The following CTNNA2 variants were observed in gnomAD, a reference collection of about 807,000 sequenced individuals.
The protein encoded by CTNNA2 is catenin alpha 2.
CTNNA2 carries 42 observed loss-of-function variants against 101.0 expected under a neutral mutation model. The ratio of observed to expected loss-of-function variants is 0.42; its 90% CI spans 0.32 to 0.54. The LOEUF is 0.54. CTNNA2 is among the 20% of genes least tolerant of loss of function. The pLI is 0.14. For missense variants in CTNNA2, 871 were observed against 1,223.1 expected (o/e 0.71, Z 4.29); for synonymous variants, 450 against 456.4 (o/e 0.99, Z 0.18).
intron 7 of CTNNA2, among the ~76,000 whole-genome samples, chr2:80,002,185 T>A (rs1430618755): frequency 2.6e-5 from 4 of 152,228 alleles, no homozygotes; most frequent in African/African-American, 7.2e-5. Context: ...TAGGTTCACT[T>A]TCTTAGTTAA....
rs34625586 is a variant in CTNNA2 at position 80,245,794 on chromosome 2, C to CTT, written c.1057-147389_1057-147388dup. ...ATTTAAAACTGTGATTATGATTTAACTTTTTTTTTTTTTTTTTTTTTTTTT... is the reference window on the plus strand; with the variant it reads ...ATTTAAAACTGTGATTATGATTTAACTTTTTTTTTTTTTTTTTTTTTTTTTTT... On this transcript the variant is annotated intron_variant, in intron 7 of 18. Transcript: ENST00000402739. Among the ~76,000 whole-genome samples the CTT allele has an allele frequency of 2.9e-3, 170 of 58,958 alleles. 19 individuals are homozygous for CTT. The highest frequency in any genetic ancestry group is 7.6e-3 in the African/African-American group (93 of 12,280). The allele number at this position is 58,958 out of a possible 152,430, so 38.7% of individuals were successfully genotyped here.
intron 3 of CTNNA2, chr2:79,373,735 C>A (rs1677924201): frequency 3.3e-5 from 5 of 152,154 alleles, no homozygotes; most frequent in Admixed American, 3.3e-4. Flanking sequence ...CAATCACAAG[C>A]TTTTACATGT....
intron 7 of CTNNA2, among the ~76,000 whole-genome samples, chr2:80,224,707 G>A (rs187861609): frequency 1.5e-4 from 23 of 152,158 alleles, no homozygotes; most frequent in Admixed American, 2.6e-4. Context: ...GCCTCCCAAA[G>A]TGCTGGGATT....
chr2:79,504,284 CT>C (rs1044153098), intron 4 of CTNNA2, among the ~76,000 whole-genome samples: 2 of 151,592 alleles, frequency 1.3e-5, no homozygotes, highest in Non-Finnish European at 2.9e-5. Flanking sequence ...ACAGTTTAAT[CT>C]TTTTTTGTTT....
chr2:80,162,783 G>T, intron 7 of CTNNA2: 1 of 1,589,686 alleles, frequency 6.3e-7, no homozygotes, highest in Admixed American at 1.7e-5. Flanking sequence ...TCCACCATAT[G>T]ACATTTGTCT....
At chr2:79,473,416 C>G (rs75456923) in intron 4 of CTNNA2, among the ~76,000 whole-genome samples, 44 of 151,932 alleles carry the variant, frequency 2.9e-4, no homozygotes, top group African/African-American at 9.6e-4. Flanking sequence ...TGTCTCTCTC[C>G]CTCTCTCTCA....
At chr2:80,098,706 C>A (rs983134567) in intron 7 of CTNNA2, among the ~76,000 whole-genome samples, 1 of 152,170 alleles carries the variant, frequency 6.6e-6, no homozygotes, top group African/African-American at 2.4e-5. Flanking sequence ...TCGGAAATGG[C>A]AGGCGCCCCT....
chr2:80,079,599 G>A (rs1009821874), intron 7 of CTNNA2, among the ~76,000 whole-genome samples: 23 of 152,058 alleles, frequency 1.5e-4, no homozygotes, highest in African/African-American at 5.3e-4. Context: ...AGATCACAAG[G>A]TCAGGAAATG....
rs1046205476 is a variant in CTNNA2, at chr2:80,124,923, G to A, written c.1056+215126G>A. ...GAATGAATAGACTTGGAAGGCACAC[G>A]GAGGAGCTGAGAGTGGAGCAGGGGC... On this transcript the variant is annotated intron_variant, in intron 7 of 18. Transcript: ENST00000402739. Among the ~76,000 whole-genome samples, 3 of 152,276 alleles carry A rather than the reference G, an allele frequency of 2.0e-5. No homozygotes were observed. In the South Asian group the frequency reaches 6.2e-4, roughly 32 times the overall value.
intron 1 of CTNNA2, among the ~76,000 whole-genome samples, chr2:79,569,626 T>C (rs2103810176): frequency 6.6e-6 from 1 of 152,254 alleles, no homozygotes; most frequent in Non-Finnish European, 1.5e-5. Context: ...TAGGACTTGA[T>C]ACCAGCGCCA....
At chr2:79,612,481 A>G (rs1214850979) in intron 1 of CTNNA2, among the ~76,000 whole-genome samples, 1 of 152,156 alleles carries the variant, frequency 6.6e-6, no homozygotes, top group Non-Finnish European at 1.5e-5. Context: ...CCTCATTATT[A>G]TAGAGGCAAT....
Position 79,701,086 on chromosome 2 carries a change from C to A in CTNNA2, c.103-43301C>A, listed in dbSNP as rs114561443. Among the ~76,000 whole-genome samples the A allele has an allele frequency of 3.0e-3, 454 of 152,144 alleles. 1 individual carries two copies. The highest frequency in any genetic ancestry group is 0.01 in the African/African-American group (426 of 41,506). On this transcript the variant is annotated intron_variant, in intron 2 of 18. Coordinates refer to ENST00000402739, the MANE Select transcript of CTNNA2 (RefSeq NM_001282597.3). ...TTTTTAGAATCCATGAGAATAGAGTCCTTTTTGGCTGACATCAGTACTAAT... is the reference window on the plus strand; with the variant it reads ...TTTTTAGAATCCATGAGAATAGAGTACTTTTTGGCTGACATCAGTACTAAT...
chr2:79,977,222 G>GCGCACGCA (rs142876512), intron 7 of CTNNA2, among the ~76,000 whole-genome samples: 3 of 144,740 alleles, frequency 2.1e-5, no homozygotes, highest in Non-Finnish European at 4.5e-5. Context: ...GCATATGCAT[G>GCGCACGCA]CACACACACA....
chr2:79,572,234 T>A (rs981115441), intron 1 of CTNNA2, among the ~76,000 whole-genome samples: 2 of 152,206 alleles, frequency 1.3e-5, no homozygotes, highest in African/African-American at 4.8e-5. Context: ...GGGAGTGGAC[T>A]GAGACTTGTG....
chr2:79,920,538 T>C (rs936925286), intron 7 of CTNNA2, among the ~76,000 whole-genome samples: 17 of 152,168 alleles, frequency 1.1e-4, no homozygotes, highest in African/African-American at 4.1e-4. Flanking sequence ...CATCCCCCTC[T>C]TCTCCTCTAA....
intron 3 of CTNNA2, among the ~76,000 whole-genome samples, chr2:79,792,444 T>C (rs1675351991): frequency 6.6e-6 from 1 of 152,160 alleles, no homozygotes; most frequent in Non-Finnish European, 1.5e-5. Context: ...CCCACAAAAC[T>C]GTGGCAGGCT....
At chr2:79,804,929 T>C (rs2105312866) in intron 3 of CTNNA2, among the ~76,000 whole-genome samples, 1 of 152,278 alleles carries the variant, frequency 6.6e-6, no homozygotes, top group Non-Finnish European at 1.5e-5. Context: ...AAATTGCCCC[T>C]GTGAAGAGTC....
intron 2 of CTNNA2, among the ~76,000 whole-genome samples, chr2:79,260,149 G>A (rs1456239023): frequency 1.3e-5 from 2 of 152,168 alleles, no homozygotes; most frequent in East Asian, 1.9e-4. Flanking sequence ...CATGGGTGTT[G>A]GGTGGAAGGT....
intron 10 of CTNNA2, among the ~76,000 whole-genome samples, chr2:80,545,669 C>T (rs984422899): frequency 6.6e-6 from 1 of 152,112 alleles, no homozygotes; most frequent in Non-Finnish European, 1.5e-5. Flanking sequence ...GAGACTTGTC[C>T]AGTAAATACT....
Sources: allele counts gnomAD v4.1 joint callset (sites outside exome capture counted in the v4.1 genomes callset), GRCh38; gene constraint gnomAD v4.1.1; transcripts MANE v1.5; gene names NCBI Gene and HGNC (gene_info 2026-07-23, HGNC 2026-07-21).